CFAP299: variants seen among roughly 807,000 people sequenced by gnomAD.
CFAP299 encodes cilia- and flagella-associated protein 299.
CFAP299 carries 21 observed loss-of-function variants against 27.0 expected under a neutral mutation model. The ratio of observed to expected loss-of-function variants is 0.78; its 90% confidence interval spans 0.55 to 1.12. The LOEUF (loss-of-function observed/expected upper bound fraction) is 1.12, where lower values mean the gene tolerates loss of function less well. CFAP299 is among the 50% of genes most tolerant of loss of function. The pLI is 0.00. For missense variants in CFAP299, 310 were observed against 276.6 expected, an observed-to-expected ratio of 1.12 and a Z score of -0.86; for synonymous variants, 104 against 98.1, an observed-to-expected ratio of 1.06 and a Z score of -0.36.
chr4:80,903,487 A>T (rs1001715876), intron 4 of CFAP299, among the ~76,000 whole-genome samples: 19 of 152,004 alleles, frequency 1.2e-4, no homozygotes, highest in African/African-American at 4.6e-4. Flanking sequence ...ATTGAAGACA[A>T]TCCAGAAAGG....
chr4:80,843,710 T>G (rs1730998125), intron 3 of CFAP299, among the ~76,000 whole-genome samples: 1 of 152,052 alleles, frequency 6.6e-6, no homozygotes, highest in African/African-American at 2.4e-5. Context: ...TGTAAAAGTG[T>G]CCTTATTTCT....
chr4:80,761,962 A>T (rs1725562914), intron 3 of CFAP299, among the ~76,000 whole-genome samples: 1 of 152,068 alleles, frequency 6.6e-6, no homozygotes, highest in African/African-American at 2.4e-5. Context: ...TTAATGGAGA[A>T]GAATAAAAAA....
intron 4 of CFAP299, among the ~76,000 whole-genome samples, chr4:80,930,384 G>C (rs1312289871): frequency 6.6e-6 from 1 of 152,152 alleles, no homozygotes; most frequent in South Asian, 2.1e-4. Context: ...AGAAGCCAAG[G>C]AGGGAGTCAT....
At chr4:80,542,902 CT>C (rs1734069253) in intron 2 of CFAP299, among the ~76,000 whole-genome samples, 1 of 152,100 alleles carries the variant, frequency 6.6e-6, no homozygotes, top group African/African-American at 2.4e-5. Flanking sequence ...CTGCATGCCC[CT>C]GCTGCCCCTG....
At chr4:80,824,954 C>T (rs752815893) in intron 3 of CFAP299, among the ~76,000 whole-genome samples, 4 of 151,876 alleles carry the variant, frequency 2.6e-5, no homozygotes, top group Non-Finnish European at 5.9e-5. Context: ...ACCTACTAGA[C>T]AAAGACTTTC....
chr4:80,326,625 T>C, the CFAP299 span, among the ~76,000 whole-genome samples: 1 of 152,154 alleles, frequency 6.6e-6, no homozygotes, highest in East Asian at 1.9e-4. Context: ...TGGCCTGTGG[T>C]TTCTTCTGAC....
intron 3 of CFAP299, among the ~76,000 whole-genome samples, chr4:80,788,455 A>G (rs76354182): frequency 0.02 from 3,036 of 152,112 alleles, 49 homozygotes; most frequent in Admixed American, 0.035. Flanking sequence ...ATTAAAATGT[A>G]GTGTACCCAT....
chr4:80,594,760 G>C (rs1736974415), intron 3 of CFAP299, among the ~76,000 whole-genome samples: 1 of 152,004 alleles, frequency 6.6e-6, no homozygotes, highest in Non-Finnish European at 1.5e-5. Flanking sequence ...CTTTCTGTAA[G>C]TATTTGTGTC....
intron 2 of CFAP299, among the ~76,000 whole-genome samples, chr4:80,571,669 T>A (rs1050469939): frequency 1.3e-5 from 2 of 151,498 alleles, no homozygotes; most frequent in African/African-American, 4.9e-5. Context: ...CTTTGGGAGG[T>A]CACTAGGTTT....
At chr4:80,949,243 A>G (rs866355240) in intron 5 of CFAP299, among the ~76,000 whole-genome samples, 8 of 152,158 alleles carry the variant, frequency 5.3e-5, no homozygotes, top group Admixed American at 3.3e-4. Flanking sequence ...CAAGACTTCA[A>G]TCTTTGCCCT....
chr4:80,471,570 G>T (rs1729994521), intron 2 of CFAP299, among the ~76,000 whole-genome samples: 1 of 128,258 alleles, frequency 7.8e-6, no homozygotes, highest in Non-Finnish European at 1.7e-5. Flanking sequence ...ACTCAGCAGG[G>T]CGGGGGTGGG....
At chr4:80,898,381 C>G (rs1734717147) in intron 4 of CFAP299, among the ~76,000 whole-genome samples, 4 of 152,022 alleles carry the variant, frequency 2.6e-5, no homozygotes, top group Admixed American at 2.0e-4. Flanking sequence ...ACTCAAGCTG[C>G]TTCTCTCTAA....
chr4:80,573,431 TTGTTTTGTTTGTTGTG>T (rs1735692748), intron 2 of CFAP299, among the ~76,000 whole-genome samples: 1 of 152,104 alleles, frequency 6.6e-6, no homozygotes, highest in African/African-American at 2.4e-5. Flanking sequence ...ACTTTGTTGA[TTGTTTTGTTTGTTGTG>T]CAGAAGCTTT....
chr4:80,654,742 G>C (rs2109974016), intron 3 of CFAP299, among the ~76,000 whole-genome samples: 1 of 151,658 alleles, frequency 6.6e-6, no homozygotes, highest in African/African-American at 2.4e-5. Flanking sequence ...TGAGTAGCTG[G>C]GACTATAGGC....
intron 3 of CFAP299, among the ~76,000 whole-genome samples, chr4:80,749,299 C>CT: frequency 6.6e-6 from 1 of 152,172 alleles, no homozygotes. Flanking sequence ...AGCTCCTTGA[C>CT]TTATTTTTGT....
intron 3 of CFAP299, among the ~76,000 whole-genome samples, chr4:80,826,314 A>G (rs952302515): frequency 8.6e-5 from 13 of 151,780 alleles, no homozygotes; most frequent in Non-Finnish European, 3.0e-5. Flanking sequence ...GGGACAAAAA[A>G]TCTTAAAAGG....
chr4:80,374,806 A>AT (rs1724323324), intron 2 of CFAP299, among the ~76,000 whole-genome samples: 2 of 152,060 alleles, frequency 1.3e-5, no homozygotes, highest in African/African-American at 4.8e-5. Context: ...TGAATACCTG[A>AT]AATATCCTAT....
At chr4:80,892,326 C>A (rs1296696521) in intron 4 of CFAP299, among the ~76,000 whole-genome samples, 1 of 152,098 alleles carries the variant, frequency 6.6e-6, no homozygotes, top group Non-Finnish European at 1.5e-5. Context: ...AAACTAGATT[C>A]TTATCTCTCA....
intron 4 of CFAP299, among the ~76,000 whole-genome samples, chr4:80,873,307 A>G (rs778264486): frequency 8.5e-5 from 13 of 152,190 alleles, no homozygotes; most frequent in Admixed American, 2.0e-4. Context: ...TTTTGTGGCT[A>G]TGATTAGAAT....
Sources: allele counts gnomAD v4.1 joint callset (sites outside exome capture counted in the v4.1 genomes callset), GRCh38; gene constraint gnomAD v4.1.1; transcripts MANE v1.5; gene names NCBI Gene and HGNC (gene_info 2026-07-23, HGNC 2026-07-21).